ZNF133: variants seen among roughly 807,000 people sequenced by gnomAD.
ZNF133 encodes the protein zinc finger protein 133 (clone pHZ-13).
ZNF133 carries 26 observed loss-of-function variants against 54.9 expected under a neutral mutation model. The ratio of observed to expected loss-of-function variants is 0.47; its 90% CI spans 0.35 to 0.66. The LOEUF is 0.66. ZNF133 is among the 30% of genes least tolerant of loss of function. ZNF133 has a pLI of 0.01. For synonymous variants in ZNF133, 298 were observed against 320.3 expected (o/e 0.93, Z 0.74); for missense variants, 653 against 820.8 (o/e 0.80, Z 2.50).
intron 3 of ZNF133, among the ~76,000 whole-genome samples, chr20:18,304,417 C>G (rs1017658690): frequency 1.3e-5 from 2 of 152,220 alleles, no homozygotes; most frequent in South Asian, 4.1e-4. Context: ...CCCAAAAGAG[C>G]TGAAGGGACT....
chr20:18,316,088 G>A lies in ZNF133; in HGVS notation c.1237G>A (p.Gly413Arg), dbSNP rs373234186. ...THSKEKPYVC[G>R]VCGHSFSQNS... is the part of the protein sequence containing the mutation. ...CTCAAAGGAGAAGCCCTATGTGTGC[G>A]GGGTGTGTGGGCACAGCTTCAGCCA... Residue 413 changes from glycine to arginine, a missense_variant, in exon 7 of 7, where the codon GGG (glycine) becomes AGG (arginine). This residue lies in a region of ZNF133 where 292 missense variants were observed against 431.6 expected (regional missense o/e 0.68). Transcript: ENST00000425686. 3.7e-6 allele frequency: 6 copies of A among 1,612,304 alleles called. No individual in the cohort carries two copies. Among genetic ancestry groups the A allele is most frequent in the African/African-American group, 2.7e-5 (2 of 74,608 alleles).
Position 18,316,777 on chromosome 20 carries a change from G to C in ZNF133, c.1926G>C (p.Pro642=), listed in dbSNP as rs74739058. ...TGCCAGTGCAGCCCGACCCTGAGCCGTGTGCAGGGCAACCTTCGGATTCCT... is the reference window on the plus strand; with the variant it reads ...TGCCAGTGCAGCCCGACCCTGAGCCCTGTGCAGGGCAACCTTCGGATTCCT... The part of the protein sequence containing the change: ...HRLPVQPDPE[P]CAGQPSDSLY... Residue 642 remains proline (P), a synonymous_variant, in exon 7 of 7, where the codon CCG becomes CCC. Coordinates refer to ENST00000425686, the MANE Select transcript of ZNF133 (RefSeq NM_001352452.2). 1 of 1,613,818 alleles carries C rather than the reference G, an allele frequency of 6.2e-7. No individual in the cohort carries two copies. Among genetic ancestry groups the C allele is most frequent in the African/African-American group, 1.3e-5 (1 of 75,056 alleles).
rs758708450 is a variant in ZNF133, at chr20:18,316,218, A to G, written c.1367A>G (p.His456Arg). The change falls in exon 7 of 7, where the codon CAC becomes CGC. Residue 456 changes from histidine to arginine, a missense_variant. Coordinates refer to ENST00000425686, the MANE Select transcript of ZNF133 (RefSeq NM_001352452.2). ...GFSLKSHLNR[H>R]QNIHSGEKPI... ...AGTCTCAAGTCACACCTCAACAGAC[A>G]CCAGAACATACACTCAGGAGAGAAG... 2 of 1,608,344 alleles carry G rather than the reference A, an allele frequency of 1.2e-6. No homozygotes were observed.
At chr20:18,303,239 GT>G (rs1310927236) in intron 3 of ZNF133, among the ~76,000 whole-genome samples, 1 of 151,926 alleles carries the variant, frequency 6.6e-6, no homozygotes, top group Non-Finnish European at 1.5e-5. Context: ...TAGAAACGGG[GT>G]TTCGCCATGT....
rs1323194978 is a variant in ZNF133 at position 18,316,987 on chromosome 20, A to G, written c.*171A>G. 2 of 728,036 alleles carry G rather than the reference A, an allele frequency of 2.7e-6. No individual in the cohort carries two copies. The highest frequency in any genetic ancestry group is 4.4e-6 in the Non-Finnish European group (2 of 457,394). 45.1% of individuals were successfully genotyped at this position (728,036 alleles called of 1,614,324 possible). ...GTTGTAATAAACTTGGCTTCTTTAT[A>G]CATCTGTAACTGTGCCTGTGTCCCT... On this transcript the variant is annotated 3_prime_UTR_variant, in exon 7 of 7. Transcript: ENST00000425686.
chr20:18,305,576 C>A lies in ZNF133; in HGVS notation c.-6-105C>A. On this transcript the variant is annotated intron_variant, in intron 4 of 6. Transcript: ENST00000425686. The surrounding 1 kb of genome is among the most constrained non-coding windows in gnomAD (Gnocchi z 4.7). ...CACATGGCACCAGGGTCACTGGGAT[C>A]TTGATATCTCACCTGCCTCCCCCAG... is the stretch of plus-strand genomic sequence containing the variant. 6.5e-7 allele frequency: 1 copy of A among 1,537,072 alleles called. No individual in the cohort carries two copies. The highest frequency in any genetic ancestry group is 8.9e-7 in the Non-Finnish European group (1 of 1,126,104).
chr20:18,296,908 T>G (rs944078968), intron 1 of ZNF133, among the ~76,000 whole-genome samples: 1 of 152,226 alleles, frequency 6.6e-6, no homozygotes, highest in African/African-American at 2.4e-5. Context: ...GAATGATAAT[T>G]TCAAAAACTC....
intron 1 of ZNF133, among the ~76,000 whole-genome samples, chr20:18,289,664 C>T (rs544266039): frequency 2.0e-5 from 3 of 152,260 alleles, no homozygotes; most frequent in South Asian, 4.1e-4. Flanking sequence ...TAGCATCTAT[C>T]GTATTGGGTT....
Position 18,305,752 on chromosome 20 carries a change from A to G in ZNF133, c.66A>G (p.Gln22=). The G allele has an allele frequency of 6.2e-7, 1 of 1,614,170 alleles. No homozygotes were observed. The highest frequency in any genetic ancestry group is 8.5e-7 in the Non-Finnish European group (1 of 1,179,998). ...AGTGGAGGCTGCTGAGCCCTGCTCAAAGGACTCTGTACAGAGAGGTGATGC... is the reference window on the plus strand; with the variant it reads ...AGTGGAGGCTGCTGAGCCCTGCTCAGAGGACTCTGTACAGAGAGGTGATGC... ...QDEWRLLSPA[Q]RTLYREVMLE... Residue 22 remains glutamine, a synonymous_variant, in exon 5 of 7, where the codon CAA becomes CAG. Coordinates refer to ENST00000425686, the MANE Select transcript of ZNF133 (RefSeq NM_001352452.2). This position sits in a 1 kb window ranked among gnomAD's most constrained non-coding sequence, Gnocchi z 4.7.
rs1220279177 is a variant in ZNF133 at position 18,312,982 on chromosome 20, C to T, written c.218-2087C>T. 5.9e-5 allele frequency: 8 copies of T among 136,238 alleles called. No homozygotes were observed. In the Admixed American group the frequency reaches 6.0e-4, roughly 10 times the overall value. 8.4% of individuals were successfully genotyped at this position (136,238 alleles called of 1,614,324 possible). A position where few individuals can be genotyped will look rare whatever the true frequency, so the allele number is the denominator to read the frequency against. The stretch of plus-strand genomic sequence containing the variant: ...GACTCAGCCTCCCAAAGTGCTGGTA[C>T]AGGCGTGAGCCGCTACACCTGGCCT... On this transcript the variant is annotated intron_variant, in intron 6 of 6. Transcript: ENST00000425686.
intron 2 of ZNF133, 84 bp downstream of exon 2, chr20:18,298,146 G>A: frequency 2.0e-6 from 3 of 1,529,980 alleles, no homozygotes; most frequent in Middle Eastern, 1.9e-4. Flanking sequence ...TTGGTGCCTA[G>A]TAGAGTTCAG....
intron 6 of ZNF133, chr20:18,314,766 A>G: frequency 3.5e-6 from 1 of 286,278 alleles, no homozygotes; most frequent in Non-Finnish European, 6.5e-6. Context: ...GTGAGTTAGA[A>G]GGTAATTAAT....
At chr20:18,311,614 ATTAGT>A (rs1239497118) in intron 6 of ZNF133, among the ~76,000 whole-genome samples, 1 of 152,160 alleles carries the variant, frequency 6.6e-6, no homozygotes, top group Admixed American at 6.5e-5. Context: ...GGCTGATCTC[ATTAGT>A]TTAGGCAAAA....
In ZNF133 at chr20:18,316,786, G is replaced by A. The variant is rs2047612809; in HGVS notation, c.1935G>A (p.Gly645=). 1 of 1,613,160 alleles carries A rather than the reference G, an allele frequency of 6.2e-7. No homozygotes were observed. Among genetic ancestry groups the A allele is most frequent in the Non-Finnish European group, 8.5e-7 (1 of 1,179,568 alleles). Reference sequence around the variant, plus strand: ...AGCCCGACCCTGAGCCGTGTGCAGGGCAACCTTCGGATTCCTTATACTCTC... The same window carrying A: ...AGCCCGACCCTGAGCCGTGTGCAGGACAACCTTCGGATTCCTTATACTCTC... The part of the protein sequence containing the change: ...PVQPDPEPCA[G]QPSDSLYSL Residue 645 remains glycine (G), a synonymous_variant, in exon 7 of 7, where the codon GGG becomes GGA. Transcript: ENST00000425686.
intron 3 of ZNF133, among the ~76,000 whole-genome samples, chr20:18,304,062 A>G (rs1401255674): frequency 1.3e-5 from 2 of 152,242 alleles, no homozygotes; most frequent in Non-Finnish European, 2.9e-5. Context: ...CTTAACAACA[A>G]TAGAAGAACG....
At position 18,305,642 on chromosome 20, in the gene ZNF133, C is replaced by G; in HGVS notation, c.-6-39C>G. On this transcript the variant is annotated intron_variant, in intron 4 of 6. Coordinates refer to ENST00000425686, the MANE Select transcript of ZNF133 (RefSeq NM_001352452.2). The surrounding 1 kb of genome is among the most constrained non-coding windows in gnomAD (Gnocchi z 4.7). ...GCCCCTCACCCTGCCATGGGCAAGG[C>G]TGGCTTCTGAGTGAGCAGGGCTCAG... 4.3e-6 allele frequency: 7 copies of G among 1,613,796 alleles called. No homozygotes were observed. The highest frequency in any genetic ancestry group is 5.1e-6 in the Non-Finnish European group (6 of 1,179,956).
rs1207514193 is a variant in ZNF133, at chr20:18,316,608, G to C, written c.1757G>C (p.Gly586Ala). 1.2e-6 allele frequency: 2 copies of C among 1,614,088 alleles called. No individual in the cohort carries two copies. Among genetic ancestry groups the C allele is most frequent in the East Asian group, 4.5e-5 (2 of 44,858 alleles). Residue 586 changes from glycine (G) to alanine (A), a missense_variant, in exon 7 of 7, where the codon GGC becomes GCC. Coordinates refer to ENST00000425686, the MANE Select transcript of ZNF133 (RefSeq NM_001352452.2). ...TGTGTGTGCAGAGAGTGTGGCCAAG[G>C]CTTTCTCCAAAAGTCACACCTCACC... is the stretch of plus-strand genomic sequence containing the variant. ...KPCVCRECGQ[G>A]FLQKSHLTLH... is the part of the protein sequence containing the mutation.
intron 1 of ZNF133, among the ~76,000 whole-genome samples, chr20:18,289,044 C>A (rs2040285307): frequency 6.6e-6 from 1 of 152,064 alleles, no homozygotes; most frequent in Non-Finnish European, 1.5e-5. Context: ...GGCCATGTGT[C>A]CCCGAGGCAT....
intron 6 of ZNF133, among the ~76,000 whole-genome samples, chr20:18,312,079 G>A (rs2046183453): frequency 6.6e-6 from 1 of 152,154 alleles, no homozygotes; most frequent in African/African-American, 2.4e-5. Context: ...TTGGGTATAG[G>A]ACCCTAGTCT....
Sources: allele counts gnomAD v4.1 joint callset (sites outside exome capture counted in the v4.1 genomes callset), GRCh38; gene constraint gnomAD v4.1.1; regional missense constraint gnomAD v4.1.1; non-coding constraint Gnocchi (gnomAD v3.1); transcripts MANE v1.5; gene names NCBI Gene and HGNC (gene_info 2026-07-23, HGNC 2026-07-21).